CERS4: variants seen among roughly 807,000 people sequenced by gnomAD.
CERS4 encodes ceramide synthase 4.
Under a neutral mutation model 51.8 loss-of-function variants are expected in CERS4, and 65 were observed. The observed-to-expected ratio is 1.26, with a 90% CI of 1.03 to 1.54. CERS4 has a LOEUF of 1.54. CERS4 is among the 40% of genes most tolerant of loss of function. The pLI is 0.00. For missense variants in CERS4, 563 were observed against 500.4 expected (o/e 1.13, Z -1.19); for synonymous variants, 228 against 208.4 (o/e 1.09, Z -0.81).
intron 2 of CERS4, among the ~76,000 whole-genome samples, chr19:8,219,259 C>T (rs1030418971): frequency 1.3e-5 from 2 of 152,164 alleles, no homozygotes; most frequent in East Asian, 3.9e-4. Context: ...CTGCCTGAGC[C>T]ACCCTGCAGG....
At chr19:8,236,316 T>C (rs1021564658) in intron 2 of CERS4, among the ~76,000 whole-genome samples, 3 of 152,164 alleles carry the variant, frequency 2.0e-5, no homozygotes, top group Non-Finnish European at 1.5e-5. Context: ...TAACATGACA[T>C]ATGCGTTAGT....
intron 2 of CERS4, chr19:8,214,473 A>T (rs532737407): frequency 9.7e-4 from 149 of 152,904 alleles, no homozygotes; most frequent in Non-Finnish European, 1.8e-3. Context: ...TGAGGCTGGA[A>T]CAGGCATGGT....
chr19:8,212,901 G>A (rs2145152299), intron 2 of CERS4, among the ~76,000 whole-genome samples: 2 of 152,010 alleles, frequency 1.3e-5, no homozygotes, highest in East Asian at 3.9e-4. Context: ...ACCTGCCTCG[G>A]CCTCCCAAAG....
rs1967364353 is a variant in CERS4 at position 8,217,772 on chromosome 19, C to T, written c.-2+6910C>T. 3.3e-5 allele frequency among the ~76,000 whole-genome samples: 5 copies of T among 152,108 alleles called. No homozygotes were observed. In the South Asian group the frequency reaches 8.3e-4, roughly 25 times the overall value. On this transcript the variant is annotated intron_variant, in intron 2 of 11. Coordinates refer to ENST00000251363, the MANE Select transcript of CERS4 (RefSeq NM_024552.3). ...CAGGATGGTCTCGATCTCCTGACCT[C>T]GTGATCCGCCCGCCTCGGCCTCCCA...
intron 2 of CERS4, among the ~76,000 whole-genome samples, chr19:8,231,851 ATTTTTTTT>A (rs3042169): frequency 4.8e-5 from 5 of 104,424 alleles, no homozygotes; most frequent in Non-Finnish European, 9.0e-5. Context: ...TGTGCCCAGC[ATTTTTTTT>A]TTTTTTTTTT....
chr19:8,243,647 C>CT (rs75963706), intron 2 of CERS4, among the ~76,000 whole-genome samples: 13 of 145,144 alleles, frequency 9.0e-5, no homozygotes, highest in African/African-American at 2.3e-4. Context: ...CAGTCTCTTC[C>CT]TTTTTTTTTT....
Position 8,259,110 on chromosome 19 carries a change from G to T in CERS4, c.848+1125G>T, listed in dbSNP as rs542441860. Reference sequence around the variant, plus strand: ...GATCACACCACTGCACTCCAGCCTGGGCGACAGAGCAAGACTCTGTCTCTA... The same window carrying T: ...GATCACACCACTGCACTCCAGCCTGTGCGACAGAGCAAGACTCTGTCTCTA... On this transcript the variant is annotated intron_variant, in intron 10 of 11. Coordinates refer to ENST00000251363, the MANE Select transcript of CERS4 (RefSeq NM_024552.3). Among the ~76,000 whole-genome samples the T allele has an allele frequency of 4.7e-4, 71 of 152,346 alleles. 2 individuals carry two copies. Among genetic ancestry groups the T allele is most frequent in the Admixed American group, 4.6e-3 (70 of 15,298 alleles).
In CERS4 at chr19:8,262,046, C is replaced by G. The variant is rs1487920831; in HGVS notation, c.1122C>G (p.Pro374=). Residue 374 remains proline, a synonymous_variant, in exon 12 of 12, where the codon CCC becomes CCG. Transcript: ENST00000251363. ...NGAAGGPRPA[P]TDGPRSRVAG... Reference sequence around the variant, plus strand: ...CAGCTGGAGGGCCCAGGCCAGCCCCCACTGATGGCCCTCGGAGCCGGGTGG... The same window carrying G: ...CAGCTGGAGGGCCCAGGCCAGCCCCGACTGATGGCCCTCGGAGCCGGGTGG... The G allele has an allele frequency of 6.5e-7, 1 of 1,547,724 alleles. No individual in the cohort carries two copies. Among genetic ancestry groups the G allele is most frequent in the Non-Finnish European group, 8.7e-7 (1 of 1,150,798 alleles).
At chr19:8,214,533 G>GC (rs1473422190) in intron 2 of CERS4, 9 of 152,684 alleles carry the variant, frequency 5.9e-5, no homozygotes, top group African/African-American at 2.2e-4. Flanking sequence ...AACTAAGCAA[G>GC]GAGTCATAGA....
At chr19:8,259,254 A>T (rs994135573) in intron 10 of CERS4, among the ~76,000 whole-genome samples, 1 of 152,088 alleles carries the variant, frequency 6.6e-6, no homozygotes. Context: ...GAGGTGAGGG[A>T]CAGAACCACG....
At chr19:8,254,748 C>G in intron 4 of CERS4, 132 bp downstream of exon 4, 1 of 736,582 alleles carries the variant, frequency 1.4e-6, no homozygotes, top group South Asian at 1.7e-5. Flanking sequence ...CCCTACTTTC[C>G]ACTCTTCATC....
chr19:8,251,534 G>A lies in CERS4; in HGVS notation c.173+285G>A, dbSNP rs183087903. Among the ~76,000 whole-genome samples, 27 of 152,310 alleles carry A rather than the reference G, an allele frequency of 1.8e-4. No individual in the cohort carries two copies. In the East Asian group the frequency reaches 2.3e-3, roughly 13 times the overall value. The stretch of plus-strand genomic sequence containing the variant: ...CTTCATAAAACAGGGATGGGAGGCC[G>A]GGCACGGTGGCTCACGCCTGTAATC... On this transcript the variant is annotated intron_variant, in intron 3 of 11. Coordinates refer to ENST00000251363, the MANE Select transcript of CERS4 (RefSeq NM_024552.3).
At chr19:8,257,379 C>G (rs957338264) in intron 9 of CERS4, among the ~76,000 whole-genome samples, 15 of 152,224 alleles carry the variant, frequency 9.9e-5, no homozygotes, top group African/African-American at 3.6e-4. Flanking sequence ...AAGCCCTGCC[C>G]CTCTCAGCTC....
At chr19:8,220,501 C>T (rs1266913728) in intron 2 of CERS4, among the ~76,000 whole-genome samples, 1 of 152,160 alleles carries the variant, frequency 6.6e-6, no homozygotes, top group African/African-American at 2.4e-5. Flanking sequence ...AATGGGGTTT[C>T]ACCATGTTGG....
Position 8,260,967 on chromosome 19 carries a change from A to AAAAAC in CERS4, c.849-717_849-716insCAAAA, listed in dbSNP as rs1568543729. The AAAAAC allele has an allele frequency of 4.1e-5, 6 of 144,770 alleles. 1 individual carries two copies. Among genetic ancestry groups the AAAAAC allele is most frequent in the Non-Finnish European group, 6.0e-5 (4 of 66,622 alleles). The allele number at this position is 144,770 out of a possible 1,614,324, so 9.0% of individuals were successfully genotyped here. A position where few individuals can be genotyped will look rare whatever the true frequency, so the allele number is the denominator to read the frequency against. The stretch of plus-strand genomic sequence containing the variant: ...CTCCATCTCAAAAAAAAAAAAAAAA[A>AAAAAC]AAAAAAAAAACAAGAACCACAGCTG... On this transcript the variant is annotated intron_variant, in intron 10 of 11. Coordinates refer to ENST00000251363, the MANE Select transcript of CERS4 (RefSeq NM_024552.3).
In CERS4 at chr19:8,256,298, A is replaced by T. The variant is rs28334; in HGVS notation, c.519+12A>T. The T allele has an allele frequency of 0.23, 373,350 of 1,610,572 alleles. 44,724 individuals are homozygous for T. Among genetic ancestry groups the T allele is most frequent in the South Asian group, 0.36 (32,404 of 90,608 alleles). On this transcript the variant is annotated intron_variant, in intron 7 of 11. Transcript: ENST00000251363. ...GGTACCCAAACCAGGTGAGTGGCAG[A>T]GTGTGTGTGAATGCTTGGAGGGTGA...
intron 1 of CERS4, chr19:8,209,705 C>T (rs1052638765): frequency 1.1e-4 from 17 of 152,490 alleles, no homozygotes; most frequent in African/African-American, 4.1e-4. Context: ...AGGGCCGGGG[C>T]GCAACGGGTG....
intron 2 of CERS4, among the ~76,000 whole-genome samples, chr19:8,248,855 T>G (rs1968912418): frequency 7.0e-6 from 1 of 142,034 alleles, no homozygotes. Flanking sequence ...GATCTTTGGA[T>G]GGGTGGGTGG....
chr19:8,224,659 G>A (rs144171999), intron 2 of CERS4, among the ~76,000 whole-genome samples: 1 of 152,336 alleles, frequency 6.6e-6, no homozygotes, highest in East Asian at 1.9e-4. Context: ...GGGAGCACTT[G>A]CAGGATTCAA....
Sources: gnomAD v4.1 joint callset for allele counts (sites outside exome capture counted in the v4.1 genomes callset) on GRCh38, gnomAD v4.1.1 for gene constraint, MANE v1.5 for transcripts, NCBI Gene and HGNC (gene_info 2026-07-23, HGNC 2026-07-21) for gene names.